TMTC1: variants seen among roughly 807,000 people sequenced by gnomAD.
TMTC1 encodes transmembrane O-mannosyltransferase targeting cadherins 1.
TMTC1 carries 73 observed loss-of-function variants against 104.8 expected under a neutral mutation model. That is an observed-to-expected ratio of 0.70 (90% CI 0.58 to 0.85). TMTC1 has a LOEUF of 0.85. TMTC1 is among the 40% of genes least tolerant of loss of function. The pLI, the probability that TMTC1 is intolerant of heterozygous loss-of-function variation, is 0.00. For missense variants in TMTC1, 1,035 were observed against 1,096.1 expected (o/e 0.94, Z 0.79); for synonymous variants, 434 against 428.7 (o/e 1.01, Z -0.15).
At chr12:29,594,957 A>G (rs1212691148) in intron 7 of TMTC1, among the ~76,000 whole-genome samples, 5 of 152,214 alleles carry the variant, frequency 3.3e-5, no homozygotes, top group South Asian at 2.1e-4. Flanking sequence ...GCAGAGGCCT[A>G]TATTTATGTT....
chr12:29,525,839 T>C (rs1944328609), intron 11 of TMTC1, among the ~76,000 whole-genome samples: 1 of 152,228 alleles, frequency 6.6e-6, no homozygotes, highest in Non-Finnish European at 1.5e-5. Flanking sequence ...CCTAATGCTA[T>C]TGTATCTGAA....
At chr12:29,614,024 C>G (rs368647386) in intron 6 of TMTC1, 9 of 516,818 alleles carry the variant, frequency 1.7e-5, no homozygotes, top group East Asian at 3.0e-4. Flanking sequence ...CACAGTTTCA[C>G]TCTCCTAGTG....
At chr12:29,615,755 A>T (rs1946960959) in intron 6 of TMTC1, among the ~76,000 whole-genome samples, 1 of 152,208 alleles carries the variant, frequency 6.6e-6, no homozygotes, top group African/African-American at 2.4e-5. Flanking sequence ...CCTTGTTGAA[A>T]ACTATAAAAG....
intron 5 of TMTC1, among the ~76,000 whole-genome samples, chr12:29,680,849 G>A (rs892682384): frequency 2.6e-5 from 4 of 152,136 alleles, no homozygotes; most frequent in African/African-American, 9.7e-5. Context: ...ACTGATCCCA[G>A]CACTTTGGGA....
At chr12:29,558,643 T>A (rs1945305027) in intron 9 of TMTC1, among the ~76,000 whole-genome samples, 1 of 152,172 alleles carries the variant, frequency 6.6e-6, no homozygotes, top group Non-Finnish European at 1.5e-5. Flanking sequence ...TGGAGGCTGT[T>A]AGGAGAGAGA....
At chr12:29,613,375 CAGCCATGTGCTGGG>C (rs1946895735) in intron 6 of TMTC1, among the ~76,000 whole-genome samples, 1 of 152,144 alleles carries the variant, frequency 6.6e-6, no homozygotes, top group Non-Finnish European at 1.5e-5. Flanking sequence ...GGCAAAAGCT[CAGCCATGTGCTGGG>C]AACCTGTCTG....
intron 5 of TMTC1, among the ~76,000 whole-genome samples, chr12:29,708,076 C>T (rs559050203): frequency 2.8e-4 from 43 of 152,194 alleles, no homozygotes; most frequent in Non-Finnish European, 5.7e-4. Context: ...ATATGCCAGG[C>T]AGTGTGCCCA....
In TMTC1 at chr12:29,536,214, C is replaced by T; in HGVS notation, c.1780G>A (p.Glu594Lys). The T allele has an allele frequency of 1.2e-6, 2 of 1,600,462 alleles. No individual in the cohort carries two copies. Among genetic ancestry groups the T allele is most frequent in the Middle Eastern group, 1.7e-4 (1 of 6,034 alleles). ...AYSSLASLLA[E>K]QERFKEAEEI... The stretch of plus-strand genomic sequence containing the variant: ...CTACTGTGTGAAACAATTACCTGCT[C>T]AGCCAATAACGAAGCTAAGCTTGAA... The change falls in exon 11 of 18, where the codon GAG becomes AAG. Residue 594 changes from glutamate to lysine, a missense_variant. Physicochemically the swap from Glu to Lys is moderately conservative, Grantham distance 56. Transcript: ENST00000539277.
chr12:29,535,963 A>G, intron 11 of TMTC1: 1 of 476,126 alleles, frequency 2.1e-6, no homozygotes, highest in Non-Finnish European at 3.7e-6. Context: ...TAGATTCTGT[A>G]CCAAAGTGAG....
intron 16 of TMTC1, among the ~76,000 whole-genome samples, chr12:29,512,545 T>C (rs567972184): frequency 6.6e-6 from 1 of 152,344 alleles, no homozygotes; most frequent in South Asian, 2.1e-4. Context: ...AGTATCCCCT[T>C]TTACAATATA....
At chr12:29,543,476 C>A (rs1039895090) in intron 10 of TMTC1, among the ~76,000 whole-genome samples, 2 of 152,118 alleles carry the variant, frequency 1.3e-5, no homozygotes, top group Admixed American at 6.5e-5. Flanking sequence ...GATTTGGCGA[C>A]CCTCTTGGTG....
intron 5 of TMTC1, among the ~76,000 whole-genome samples, chr12:29,676,811 G>A (rs1940743608): frequency 6.6e-6 from 1 of 152,196 alleles, no homozygotes; most frequent in Non-Finnish European, 1.5e-5. Flanking sequence ...GAAGCATTTT[G>A]TGGGCATGCT....
intron 5 of TMTC1, among the ~76,000 whole-genome samples, chr12:29,668,454 C>CTTTTTT (rs66652706): frequency 0.057 from 5,102 of 89,730 alleles, 491 homozygotes; most frequent in Admixed American, 0.078. Flanking sequence ...ACCAACTTAT[C>CTTTTTT]TTTTTTTTTT....
intron 2 of TMTC1, among the ~76,000 whole-genome samples, chr12:29,765,991 C>T (rs1361706803): frequency 1.3e-5 from 2 of 152,146 alleles, no homozygotes; most frequent in African/African-American, 4.8e-5. Context: ...AGAATTTAAA[C>T]ATAGCCATCA....
intron 11 of TMTC1, chr12:29,533,549 T>C (rs1227488284): frequency 6.6e-6 from 1 of 152,160 alleles, no homozygotes; most frequent in Non-Finnish European, 1.5e-5. Context: ...GATAATATAA[T>C]TCAACAAATT....
chr12:29,617,389 C>T (rs949674245), intron 6 of TMTC1, among the ~76,000 whole-genome samples: 2 of 152,104 alleles, frequency 1.3e-5, no homozygotes. Context: ...TGTTTCATTG[C>T]CATCTAAAAA....
At chr12:29,533,760 A>C (rs1297115956) in intron 11 of TMTC1, 1 of 152,218 alleles carries the variant, frequency 6.6e-6, no homozygotes, top group African/African-American at 2.4e-5. Context: ...AATGGTAGTC[A>C]ATACACTGTA....
intron 5 of TMTC1, among the ~76,000 whole-genome samples, chr12:29,704,510 G>A (rs550047625): frequency 1.2e-4 from 18 of 152,312 alleles, no homozygotes; most frequent in Admixed American, 2.6e-4. Flanking sequence ...CAGCTTTGAA[G>A]GTGGGAGAGC....
At chr12:29,773,125 T>C (rs1943630676) in intron 1 of TMTC1, among the ~76,000 whole-genome samples, 1 of 152,130 alleles carries the variant, frequency 6.6e-6, no homozygotes, top group African/African-American at 2.4e-5. Context: ...GTTCCACAAA[T>C]ATGAACCCAA....
Sources: gnomAD v4.1 joint callset for allele counts (sites outside exome capture counted in the v4.1 genomes callset) on GRCh38, gnomAD v4.1.1 for gene constraint, MANE v1.5 for transcripts, NCBI Gene and HGNC (gene_info 2026-07-23, HGNC 2026-07-21) for gene names.